Variants in CPNE8 observed in about 807,000 individuals in gnomAD.
CPNE8 encodes the protein copine 8.
CPNE8 carries 45 observed loss-of-function variants against 81.5 expected under a neutral mutation model. That is an observed-to-expected ratio of 0.55 (90% confidence interval 0.44 to 0.71). The LOEUF is 0.71. Ranked by LOEUF, CPNE8 falls within the 30% of genes least tolerant of loss-of-function variation. CPNE8 has a pLI of 0.00. For missense variants in CPNE8, 594 were observed against 672.1 expected (o/e 0.88, Z 1.28); for synonymous variants, 252 against 226.3 (o/e 1.11, Z -1.02).
At chr12:38,798,321 G>A (rs967157270) in intron 6 of CPNE8, among the ~76,000 whole-genome samples, 12 of 152,116 alleles carry the variant, frequency 7.9e-5, no homozygotes, top group African/African-American at 2.7e-4. Context: ...TACCCACAAA[G>A]GGAAGCCCAT....
At chr12:38,777,106 C>T (rs1394865131) in intron 6 of CPNE8, among the ~76,000 whole-genome samples, 1 of 151,084 alleles carries the variant, frequency 6.6e-6, no homozygotes, top group African/African-American at 2.4e-5. Flanking sequence ...GCACTGTTAT[C>T]ACAGGAGACA....
Position 38,652,654 on chromosome 12 carries a change from T to C in CPNE8, c.*1228A>G, listed in dbSNP as rs1938724969. On this transcript the variant is annotated 3_prime_UTR_variant, in exon 20 of 20. Coordinates refer to ENST00000331366, the MANE Select transcript of CPNE8 (RefSeq NM_153634.3). ...TCTATTATTTGAAGGCAATTCACAA[T>C]CATTTCCAGGAATTCCGTGAGAATT... 1 of 152,560 alleles carries C rather than the reference T, an allele frequency of 6.6e-6. No homozygotes were observed. Among genetic ancestry groups the C allele is most frequent in the Admixed American group, 6.6e-5 (1 of 15,262 alleles). The allele number at this position is 152,560 out of a possible 1,614,324, so 9.5% of individuals were successfully genotyped here.
At chr12:38,874,061 A>G (rs1944029265) in intron 2 of CPNE8, among the ~76,000 whole-genome samples, 2 of 151,666 alleles carry the variant, frequency 1.3e-5, no homozygotes, top group Non-Finnish European at 2.9e-5. Flanking sequence ...CGGCCTCCCA[A>G]AGTGCTGGGA....
At chr12:38,842,085 A>T (rs1381540134) in intron 4 of CPNE8, among the ~76,000 whole-genome samples, 1 of 151,814 alleles carries the variant, frequency 6.6e-6, no homozygotes, top group Non-Finnish European at 1.5e-5. Context: ...ATTACAAATT[A>T]CTCTCCTTCG....
chr12:38,719,424 C>T (rs1224074138), intron 13 of CPNE8, among the ~76,000 whole-genome samples: 6 of 151,692 alleles, frequency 4.0e-5, no homozygotes, highest in Admixed American at 1.3e-4. Flanking sequence ...GCCAACATAA[C>T]GAAACCCCTC....
chr12:38,836,570 G>A (rs1943384348), intron 5 of CPNE8, among the ~76,000 whole-genome samples: 1 of 152,046 alleles, frequency 6.6e-6, no homozygotes, highest in Non-Finnish European at 1.5e-5. Flanking sequence ...ACTAATTCAA[G>A]GGGTCTCTCT....
At chr12:38,875,575 T>C (rs748393066) in intron 1 of CPNE8, among the ~76,000 whole-genome samples, 1 of 152,206 alleles carries the variant, frequency 6.6e-6, no homozygotes, top group Non-Finnish European at 1.5e-5. Flanking sequence ...GCCCTTGGTA[T>C]CTGAAAAGTC....
At chr12:38,764,514 G>A (rs1195465852) in intron 8 of CPNE8, among the ~76,000 whole-genome samples, 2 of 148,212 alleles carry the variant, frequency 1.3e-5, no homozygotes, top group Non-Finnish European at 3.0e-5. Flanking sequence ...CTACTTGGGA[G>A]GCTGAGGCAG....
chr12:38,711,649 A>G (rs1228097015), intron 13 of CPNE8, among the ~76,000 whole-genome samples: 2 of 152,042 alleles, frequency 1.3e-5, no homozygotes, highest in African/African-American at 2.4e-5. Flanking sequence ...TTGTATTTGT[A>G]GTAGAGACGG....
chr12:38,689,414 C>T (rs933930592), intron 15 of CPNE8, among the ~76,000 whole-genome samples: 8 of 152,174 alleles, frequency 5.3e-5, no homozygotes, highest in Admixed American at 2.0e-4. Flanking sequence ...TGACAGTTTT[C>T]AGCAGGGCTA....
At chr12:38,803,745 T>C (rs970028919) in intron 6 of CPNE8, among the ~76,000 whole-genome samples, 7 of 145,938 alleles carry the variant, frequency 4.8e-5, no homozygotes, top group African/African-American at 7.5e-5. Context: ...GACATGATTG[T>C]TTATCTAGAA....
intron 13 of CPNE8, among the ~76,000 whole-genome samples, chr12:38,707,248 A>G (rs1030181633): frequency 1.4e-4 from 21 of 152,146 alleles, no homozygotes; most frequent in Admixed American, 3.3e-4. Context: ...TACGAATTTG[A>G]GGCTGCGGTG....
In CPNE8 at chr12:38,762,783, G is replaced by A. The variant is rs151182249; in HGVS notation, c.576-567C>T. On this transcript the variant is annotated intron_variant, in intron 8 of 19. Coordinates refer to ENST00000331366, the MANE Select transcript of CPNE8 (RefSeq NM_153634.3). Reference sequence around the variant, plus strand: ...AGATGGAAGAAATAACAGCAAGGTTGTCTGGTAAAGGAAAAGATCTGGCAG... The same window carrying A: ...AGATGGAAGAAATAACAGCAAGGTTATCTGGTAAAGGAAAAGATCTGGCAG... 4.9e-3 allele frequency among the ~76,000 whole-genome samples: 749 copies of A among 152,304 alleles called. 5 individuals are homozygous for A. The highest frequency in any genetic ancestry group is 0.017 in the African/African-American group (698 of 41,550).
chr12:38,712,995 G>T (rs892716647), intron 13 of CPNE8, among the ~76,000 whole-genome samples: 4 of 151,910 alleles, frequency 2.6e-5, no homozygotes, highest in African/African-American at 7.2e-5. Context: ...TTTATTGAGG[G>T]TTAACTACAT....
In CPNE8 at chr12:38,736,428, G is replaced by T. The variant is rs186863036; in HGVS notation, c.723-6070C>A. Among the ~76,000 whole-genome samples the T allele has an allele frequency of 2.1e-3, 325 of 151,820 alleles. 9 individuals carry two copies. The highest frequency in any genetic ancestry group is 0.021 in the Admixed American group (320 of 15,210). Reference sequence around the variant, plus strand: ...ATTGTGGTTTACATTGGTAAAGCAAGTGCTATAAGCCATAGTTAAGGATAT... The same window carrying T: ...ATTGTGGTTTACATTGGTAAAGCAATTGCTATAAGCCATAGTTAAGGATAT... On this transcript the variant is annotated intron_variant, in intron 10 of 19. Coordinates refer to ENST00000331366, the MANE Select transcript of CPNE8 (RefSeq NM_153634.3).
chr12:38,662,491 T>C (rs981418403), intron 19 of CPNE8, among the ~76,000 whole-genome samples: 2 of 152,086 alleles, frequency 1.3e-5, no homozygotes, highest in African/African-American at 4.8e-5. Context: ...TAAAGAAATT[T>C]AAGAAGACAC....
At chr12:38,829,758 A>G (rs1943254640) in intron 5 of CPNE8, among the ~76,000 whole-genome samples, 3 of 152,164 alleles carry the variant, frequency 2.0e-5, no homozygotes, top group Admixed American at 2.0e-4. Context: ...TGAATGCACA[A>G]TTGGCTTAAC....
At chr12:38,689,972 T>C (rs1939637922) in intron 15 of CPNE8, among the ~76,000 whole-genome samples, 1 of 152,228 alleles carries the variant, frequency 6.6e-6, no homozygotes, top group Admixed American at 6.5e-5. Flanking sequence ...TTTCCTTTTC[T>C]CATAGTGTGT....
At chr12:38,681,994 G>A (rs1353178665) in intron 16 of CPNE8, among the ~76,000 whole-genome samples, 1 of 152,148 alleles carries the variant, frequency 6.6e-6, no homozygotes, top group Non-Finnish European at 1.5e-5. Flanking sequence ...GCTGAGGCGG[G>A]TGGATCACTT....
Sources: gnomAD v4.1 joint callset for allele counts (sites outside exome capture counted in the v4.1 genomes callset) on GRCh38, gnomAD v4.1.1 for gene constraint, MANE v1.5 for transcripts, NCBI Gene and HGNC (gene_info 2026-07-23, HGNC 2026-07-21) for gene names.